Variants in PLCH2 observed in about 807,000 individuals in gnomAD.
The protein encoded by PLCH2 is phospholipase C eta 2, also known as 1-phosphatidylinositol 4,5-bisphosphate phosphodiesterase eta-2.
In PLCH2, 98 loss-of-function variants were observed where a neutral mutation model predicts 134.7. The ratio of observed to expected loss-of-function variants is 0.73; its 90% CI spans 0.62 to 0.86. The LOEUF (loss-of-function observed/expected upper bound fraction) is 0.86. Ranked by LOEUF, PLCH2 falls within the 40% of genes least tolerant of loss-of-function variation. The pLI is 0.00. For synonymous variants in PLCH2, 974 were observed against 827.5 expected, an observed-to-expected ratio of 1.18 and a Z score of -3.04; for missense variants, 1,994 against 1,986.6, an observed-to-expected ratio of 1.00 and a Z score of -0.07.
intron 21 of PLCH2, chr1:2,503,192 G>T: frequency 1.7e-6 from 1 of 595,570 alleles, no homozygotes; most frequent in South Asian, 1.9e-5. Context: ...GTCTGGGGCC[G>T]GGACTGTGGC....
upstream of PLCH2, among the ~76,000 whole-genome samples, chr1:2,462,873 G>C (rs1005531182): frequency 2.0e-5 from 3 of 152,210 alleles, no homozygotes; most frequent in African/African-American, 7.2e-5. Flanking sequence ...GGTGGTGGGG[G>C]TGGATCTGGC....
chr1:2,441,739 A>C (rs1639701896), intron 2 of PLCH2, among the ~76,000 whole-genome samples: 1 of 152,130 alleles, frequency 6.6e-6, no homozygotes, highest in Non-Finnish European at 1.5e-5. Context: ...AGTGTGGCCA[A>C]GGGAGCCAGG....
rs1368971902 is a variant in PLCH2 at position 2,504,819 on chromosome 1, C to T, written c.3857C>T (p.Thr1286Ile). 5 of 1,610,404 alleles carry T rather than the reference C, an allele frequency of 3.1e-6. No individual in the cohort carries two copies. The South Asian group carries it at 3.3e-5, about 11-fold the overall frequency. ...LSHSLGLPGG[T>I]RRVSGPGVRR... The stretch of plus-strand genomic sequence containing the variant: ...CACAGCCTGGGCCTCCCGGGAGGGA[C>T]ACGGCGGGTGTCGGGGCCAGGGGTG... The change falls in exon 22 of 22, where the codon ACA becomes ATA. Residue 1286 changes from threonine (T) to isoleucine (I), a missense_variant. This residue lies in a region of PLCH2 where 900 missense variants were observed against 752.3 expected (regional missense o/e 1.20). Transcript: ENST00000378486.
chr1:2,468,221 T>G (rs764050881), intron 1 of PLCH2, among the ~76,000 whole-genome samples: 2 of 152,232 alleles, frequency 1.3e-5, no homozygotes, highest in Non-Finnish European at 1.5e-5. Flanking sequence ...GGGCAGCTGC[T>G]GCTTTCTCTG....
At position 2,460,197 on chromosome 1, in the gene PLCH2, G is replaced by A. The variant is rs559117517; in HGVS notation, c.116-18279G>A. Among the ~76,000 whole-genome samples the A allele has an allele frequency of 3.9e-5, 6 of 152,390 alleles. No individual in the cohort carries two copies. The South Asian group carries it at 1.0e-3, about 26-fold the overall frequency. On this transcript the variant is annotated intron_variant, in intron 2 of 3. Coordinates refer to the PLCH2 transcript ENST00000609981. ...CCCAGGGGCCCTGCTGTCCAGGAAAGCAGCCCATTCTCTCCAGGGCTTTTC... is the reference window on the plus strand; with the variant it reads ...CCCAGGGGCCCTGCTGTCCAGGAAAACAGCCCATTCTCTCCAGGGCTTTTC...
chr1:2,456,409 C>A (rs564762205), intron 2 of PLCH2, among the ~76,000 whole-genome samples: 47 of 152,228 alleles, frequency 3.1e-4, no homozygotes, highest in African/African-American at 1.1e-3. Flanking sequence ...TCTAGCCACG[C>A]GCTCTGGGGC....
At chr1:2,495,327 A>G (rs3001347) in intron 12 of PLCH2, among the ~76,000 whole-genome samples, 161 bp from the exon 13 acceptor site, 64,554 of 152,016 alleles carry the variant, frequency 0.42, 14,903 homozygotes, top group Non-Finnish European at 0.52. Flanking sequence ...TCGAGAGGGC[A>G]CCGAGGAGGC....
chr1:2,496,757 C>T (rs1047084905), intron 14 of PLCH2, 53 bp downstream of exon 14: 9 of 1,610,198 alleles, frequency 5.6e-6, no homozygotes, highest in African/African-American at 2.7e-5. Flanking sequence ...TGTCCCCCAT[C>T]CCTGCTATGC....
At position 2,476,705 on chromosome 1, in the gene PLCH2, C is replaced by T; in HGVS notation, c.117C>T (p.Gly39=). Reference sequence around the variant, plus strand: ...TGCTGTCTTCAGAGTGGCAGCTCGGCCCCCTGGGTAAGAAGGGGCAGGCGA... The same window carrying T: ...TGCTGTCTTCAGAGTGGCAGCTCGGTCCCCTGGGTAAGAAGGGGCAGGCGA... The part of the protein sequence containing the change: ...SVVLSSEWQL[G]PLVERCMGAM... Residue 39 remains glycine, a synonymous_variant, in exon 1 of 22, where the codon GGC becomes GGT. Transcript: ENST00000378486. 3 of 1,605,696 alleles carry T rather than the reference C, an allele frequency of 1.9e-6. No individual in the cohort carries two copies. In the South Asian group the frequency reaches 3.3e-5, roughly 18 times the overall value.
At chr1:2,477,144 T>G (rs1035955731) in intron 1 of PLCH2, among the ~76,000 whole-genome samples, 1 of 151,244 alleles carries the variant, frequency 6.6e-6, no homozygotes, top group Non-Finnish European at 1.5e-5. Flanking sequence ...GCTGGGAGGG[T>G]GGAGTGTGTG....
intron 2 of PLCH2, among the ~76,000 whole-genome samples, chr1:2,454,451 G>T (rs1388029100): frequency 6.6e-6 from 1 of 152,208 alleles, no homozygotes; most frequent in Admixed American, 6.5e-5. Flanking sequence ...ACATGATGTG[G>T]TGTGGTCCCC....
intron 2 of PLCH2, among the ~76,000 whole-genome samples, chr1:2,452,975 A>C (rs559758729): frequency 6.6e-6 from 1 of 152,024 alleles, no homozygotes; most frequent in South Asian, 2.1e-4. Context: ...CTTCCCATGG[A>C]TCCATTCCCG....
chr1:2,438,197 G>A lies in PLCH2; in HGVS notation c.115+7568G>A, dbSNP rs370147278. 3.5e-4 allele frequency among the ~76,000 whole-genome samples: 54 copies of A among 152,368 alleles called. No homozygotes were observed. In the East Asian group the frequency reaches 6.0e-3, roughly 17 times the overall value. On this transcript the variant is annotated intron_variant, in intron 2 of 3. Coordinates refer to the PLCH2 transcript ENST00000609981. ...TTGGCAGCCGTGGAAATGAGCAAGCGCGGAGATGAACGGCGCTCGGCAGAC... is the reference window on the plus strand; with the variant it reads ...TTGGCAGCCGTGGAAATGAGCAAGCACGGAGATGAACGGCGCTCGGCAGAC...
chr1:2,440,038 G>T (rs1246607242), intron 2 of PLCH2, among the ~76,000 whole-genome samples: 1 of 152,208 alleles, frequency 6.6e-6, no homozygotes, highest in Non-Finnish European at 1.5e-5. Flanking sequence ...TGTGGAGAAG[G>T]GGGAGTCAGG....
chr1:2,491,034 G>A (rs968587499), intron 10 of PLCH2, among the ~76,000 whole-genome samples, 158 bp from the exon 11 acceptor site: 8 of 152,246 alleles, frequency 5.3e-5, no homozygotes, highest in Non-Finnish European at 1.0e-4. Context: ...GTGGGCCTGG[G>A]TTCCCGTCCT....
exon 2 of PLCH2, chr1:2,430,399 CAG>C (rs1311154756): frequency 6.6e-6 from 1 of 152,426 alleles, no homozygotes; most frequent in Non-Finnish European, 1.5e-5. Flanking sequence ...GCCCCGGGAG[CAG>C]AGAGACCTCA....
At chr1:2,451,741 G>T (rs1312114889) in intron 2 of PLCH2, among the ~76,000 whole-genome samples, 4 of 152,186 alleles carry the variant, frequency 2.6e-5, no homozygotes, top group Non-Finnish European at 4.4e-5. Context: ...CCCTCCCTGG[G>T]GGCTGGGCAG....
At chr1:2,420,682 A>G in the PLCH2 span, among the ~76,000 whole-genome samples, 1 of 152,298 alleles carries the variant, frequency 6.6e-6, no homozygotes, top group South Asian at 2.1e-4. Context: ...CCTCTGACCC[A>G]GAGACCCCCA....
intron 2 of PLCH2, among the ~76,000 whole-genome samples, chr1:2,461,902 C>T (rs1342940009): frequency 1.3e-5 from 2 of 152,162 alleles, no homozygotes; most frequent in Admixed American, 1.3e-4. Flanking sequence ...CCTTCCCTGG[C>T]CATCCACCCG....
Sources: allele counts gnomAD v4.1 joint callset (sites outside exome capture counted in the v4.1 genomes callset), GRCh38; gene constraint gnomAD v4.1.1; regional missense constraint gnomAD v4.1.1; transcripts MANE v1.5; gene names NCBI Gene and HGNC (gene_info 2026-07-23, HGNC 2026-07-21).